CDK5RAP2: variants seen among roughly 807,000 people sequenced by gnomAD.
CDK5RAP2 encodes CDK5 regulatory subunit-associated protein 2.
Under a neutral mutation model 232.9 loss-of-function variants are expected in CDK5RAP2, and 147 were observed. The observed-to-expected ratio is 0.63, with a 90% CI of 0.55 to 0.72. The LOEUF (loss-of-function observed/expected upper bound fraction) is 0.72, where lower values mean the gene tolerates loss of function less well. CDK5RAP2 is among the 30% of genes least tolerant of loss of function. The probability of loss-of-function intolerance (pLI) is 0.00; values close to 1 mark genes in which losing one functional copy is unlikely to be tolerated. For missense variants in CDK5RAP2, 2,195 were observed against 2,231.5 expected (o/e 0.98, Z 0.33); for synonymous variants, 833 against 833.7 (o/e 1.00, Z 0.01).
intron 14 of CDK5RAP2, among the ~76,000 whole-genome samples, chr9:120,483,643 A>C (rs911449765): frequency 1.8e-4 from 27 of 152,314 alleles, no homozygotes; most frequent in South Asian, 1.2e-3. Context: ...ATCCTCTCAA[A>C]AGGCAGGCAT....
intron 32 of CDK5RAP2, chr9:120,406,651 T>G: frequency 8.0e-6 from 2 of 250,988 alleles, no homozygotes; most frequent in Non-Finnish European, 1.5e-5. Flanking sequence ...GAAAGCCAGA[T>G]TAAGATGTTT....
intron 18 of CDK5RAP2, among the ~76,000 whole-genome samples, chr9:120,462,827 C>T (rs538979688): frequency 2.0e-5 from 3 of 152,244 alleles, no homozygotes; most frequent in Middle Eastern, 3.4e-3. Context: ...ACTTAGTGAA[C>T]GCAGGCTTAC....
chr9:120,524,110 T>G (rs563438674), intron 11 of CDK5RAP2, among the ~76,000 whole-genome samples: 64 of 152,260 alleles, frequency 4.2e-4, no homozygotes, highest in Middle Eastern at 3.4e-3. Flanking sequence ...TACTAGAAAC[T>G]TAACTTGGAT....
At chr9:120,466,839 G>A (rs2037404418) in intron 18 of CDK5RAP2, among the ~76,000 whole-genome samples, 1 of 152,190 alleles carries the variant, frequency 6.6e-6, no homozygotes, top group Non-Finnish European at 1.5e-5. Context: ...AAGAAATGAT[G>A]TTGCAATGAA....
In CDK5RAP2 at chr9:120,471,742, G is replaced by C. The variant is rs1448538135; in HGVS notation, c.1858+6C>G. 5.0e-6 allele frequency: 8 copies of C among 1,614,070 alleles called. No homozygotes were observed. The highest frequency in any genetic ancestry group is 6.8e-6 in the Non-Finnish European group (8 of 1,179,928). On this transcript the variant is annotated splice_donor_region_variant and intron_variant, in intron 16 of 37. Transcript: ENST00000349780. Reference sequence around the variant, plus strand: ...CAAAGAGAAGCACATAGAATAAAGTGTGTACCTTCCCGCCTCCGAATTTCG... The same window carrying C: ...CAAAGAGAAGCACATAGAATAAAGTCTGTACCTTCCCGCCTCCGAATTTCG...
At chr9:120,497,929 C>G (rs556933348) in intron 12 of CDK5RAP2, among the ~76,000 whole-genome samples, 1 of 152,170 alleles carries the variant, frequency 6.6e-6, no homozygotes, top group South Asian at 2.1e-4. Context: ...TAAAACCCCT[C>G]GTGGCTTGGA....
intron 22 of CDK5RAP2, among the ~76,000 whole-genome samples, chr9:120,445,627 T>C (rs936822685): frequency 6.6e-6 from 1 of 152,298 alleles, no homozygotes; most frequent in African/African-American, 2.4e-5. Flanking sequence ...TATCTGACAC[T>C]GCTAATCCCC....
In CDK5RAP2 at chr9:120,437,404, C is replaced by G. The variant is rs1564213855; in HGVS notation, c.3846G>C (p.Glu1282Asp). The change falls in exon 25 of 38, where the codon GAG (glutamate) becomes GAC (aspartate). Residue 1282 changes from glutamate to aspartate, a missense_variant. Coordinates refer to ENST00000349780, the MANE Select transcript of CDK5RAP2 (RefSeq NM_018249.6). ...QHMNTMIKAF[E>D]ELLQASDVDY... ...CCACATCACTGGCCTGCAGCAACTC[C>G]TCAAATGCCTTAATCATGGTGTTCA... The G allele has an allele frequency of 6.2e-7, 1 of 1,614,130 alleles. No homozygotes were observed. The highest frequency in any genetic ancestry group is 2.2e-5 in the East Asian group (1 of 44,888).
chr9:120,491,275 A>T, intron 13 of CDK5RAP2, 32 bp downstream of exon 13: 1 of 1,554,298 alleles, frequency 6.4e-7, no homozygotes, highest in Non-Finnish European at 8.9e-7. Context: ...CCCATGCCAA[A>T]TTAAAAAATT....
chr9:120,558,170 C>A (rs1055616074), intron 3 of CDK5RAP2, among the ~76,000 whole-genome samples: 1 of 147,940 alleles, frequency 6.8e-6, no homozygotes, highest in African/African-American at 2.5e-5. Context: ...GTCAAGAGAT[C>A]GAGACCATCC....
intron 11 of CDK5RAP2, 65 bp downstream of exon 11, chr9:120,524,921 A>G (rs2040832224): frequency 4.3e-6 from 5 of 1,151,264 alleles, no homozygotes; most frequent in Admixed American, 3.4e-5. Flanking sequence ...TTTCAGCTGC[A>G]AAGTCCTCAC....
intron 18 of CDK5RAP2, among the ~76,000 whole-genome samples, chr9:120,462,800 G>C (rs2131468915): frequency 6.6e-6 from 1 of 152,276 alleles, no homozygotes; most frequent in East Asian, 1.9e-4. Flanking sequence ...CCTTACACAG[G>C]CACATACACT....
intron 1 of CDK5RAP2, among the ~76,000 whole-genome samples, chr9:120,577,486 T>C (rs1002839550): frequency 2.0e-5 from 3 of 152,014 alleles, no homozygotes; most frequent in Middle Eastern, 3.4e-3. Flanking sequence ...AGATGGAGAG[T>C]TACGAAGATA....
chr9:120,440,002 C>A, intron 23 of CDK5RAP2, 30 bp from the exon 24 acceptor site: 1 of 1,592,658 alleles, frequency 6.3e-7, no homozygotes, highest in Non-Finnish European at 8.6e-7. Flanking sequence ...ATGTCAGTAT[C>A]TCTTTTACTA....
intron 4 of CDK5RAP2, among the ~76,000 whole-genome samples, chr9:120,546,591 T>C (rs2041850584): frequency 6.6e-6 from 1 of 152,208 alleles, no homozygotes; most frequent in African/African-American, 2.4e-5. Flanking sequence ...CTGCTGTAAA[T>C]CTACAATTTA....
intron 19 of CDK5RAP2, among the ~76,000 whole-genome samples, 185 bp downstream of exon 19, chr9:120,460,387 C>T (rs540920796): frequency 6.6e-6 from 1 of 152,306 alleles, no homozygotes; most frequent in South Asian, 2.1e-4. Flanking sequence ...TCATGACTGG[C>T]TCTGTCACCC....
chr9:120,427,178 AG>A (rs1172207517), intron 25 of CDK5RAP2, among the ~76,000 whole-genome samples: 6 of 152,214 alleles, frequency 3.9e-5, no homozygotes, highest in Non-Finnish European at 4.4e-5. Flanking sequence ...GAGAGAAATC[AG>A]GGGTGTCCAA....
chr9:120,549,379 A>G (rs1025550609), intron 4 of CDK5RAP2, among the ~76,000 whole-genome samples: 1 of 152,216 alleles, frequency 6.6e-6, no homozygotes. Context: ...TTTTCAGTGT[A>G]TATCTCTTAG....
chr9:120,497,659 T>C (rs1298340611), intron 12 of CDK5RAP2, among the ~76,000 whole-genome samples: 2 of 152,208 alleles, frequency 1.3e-5, no homozygotes, highest in South Asian at 2.1e-4. Flanking sequence ...CACCTCCAAA[T>C]ACAATACACT....
Sources: allele counts gnomAD v4.1 joint callset (sites outside exome capture counted in the v4.1 genomes callset), GRCh38; gene constraint gnomAD v4.1.1; transcripts MANE v1.5; gene names NCBI Gene and HGNC (gene_info 2026-07-23, HGNC 2026-07-21).